Variants in SLC16A7 observed in about 807,000 individuals in gnomAD.
The protein encoded by SLC16A7 is monocarboxylate transporter 2.
SLC16A7 carries 33 observed loss-of-function variants against 34.9 expected under a neutral mutation model. That is an observed-to-expected ratio of 0.94 (90% CI 0.72 to 1.26). The LOEUF (loss-of-function observed/expected upper bound fraction) is 1.26, where lower values mean the gene tolerates loss of function less well. Among genes scored for constraint, SLC16A7 ranks in the 50% most tolerant of loss-of-function variants. SLC16A7 has a pLI of 0.00. For missense variants in SLC16A7, 573 were observed against 578.1 expected (o/e 0.99, Z 0.09); for synonymous variants, 201 against 206.6 (o/e 0.97, Z 0.23).
intron 2 of SLC16A7, among the ~76,000 whole-genome samples, chr12:59,676,621 T>G (rs1342982147): frequency 6.6e-6 from 1 of 152,096 alleles, no homozygotes; most frequent in Non-Finnish European, 1.5e-5. Flanking sequence ...TCGCTTTTCT[T>G]TACTCCTCAA....
chr12:59,692,175 C>T (rs1024143742), intron 2 of SLC16A7, among the ~76,000 whole-genome samples: 3 of 151,946 alleles, frequency 2.0e-5, no homozygotes, highest in Non-Finnish European at 2.9e-5. Flanking sequence ...CCTCACATCA[C>T]ATCTCTCTCT....
At chr12:59,653,964 T>C (rs1868405822) in intron 1 of SLC16A7, among the ~76,000 whole-genome samples, 1 of 151,764 alleles carries the variant, frequency 6.6e-6, no homozygotes, top group East Asian at 1.9e-4. Context: ...ATTATATTGG[T>C]TTAATAATAA....
intron 3 of SLC16A7, among the ~76,000 whole-genome samples, chr12:59,765,450 G>C (rs1397747788): frequency 1.3e-5 from 2 of 152,094 alleles, no homozygotes; most frequent in African/African-American, 4.8e-5. Flanking sequence ...TTCTTCTAGG[G>C]TTTTTATGGT....
At chr12:59,597,816 G>C (rs1428551555) in intron 1 of SLC16A7, among the ~76,000 whole-genome samples, 1 of 152,134 alleles carries the variant, frequency 6.6e-6, no homozygotes, top group Non-Finnish European at 1.5e-5. Context: ...TACAAACTCA[G>C]AAACTATTTT....
At chr12:59,775,988 T>C (rs1882721409) in intron 5 of SLC16A7, among the ~76,000 whole-genome samples, 1 of 152,204 alleles carries the variant, frequency 6.6e-6, no homozygotes, top group African/African-American at 2.4e-5. Context: ...CTATTCCATA[T>C]AGAGAAAGAC....
At chr12:59,779,326 A>C in intron 5 of SLC16A7, 97 bp from the exon 6 acceptor site, 1 of 920,824 alleles carries the variant, frequency 1.1e-6, no homozygotes, top group South Asian at 2.0e-5. Context: ...ATTAATTTAA[A>C]TAAGAGGAAT....
chr12:59,671,945 G>GTGTATATA (rs568138452), intron 2 of SLC16A7, among the ~76,000 whole-genome samples: 4,393 of 9,776 alleles, frequency 0.45, 2,144 homozygotes, highest in Middle Eastern at 0.6. Flanking sequence ...ATGTATATAT[G>GTGTATATA]TGTATATATG....
At chr12:59,647,348 G>T (rs192282510) in intron 1 of SLC16A7, among the ~76,000 whole-genome samples, 35 of 152,160 alleles carry the variant, frequency 2.3e-4, no homozygotes, top group African/African-American at 8.4e-4. Context: ...GAGATCTGAT[G>T]GTTTTATAAG....
Position 59,771,326 on chromosome 12 carries a change from G to A in SLC16A7, c.325G>A (p.Val109Met), listed in dbSNP as rs768677776. Residue 109 changes from valine to methionine, a missense_variant, in exon 4 of 6, where the codon GTG becomes ATG. Coordinates refer to ENST00000547379, the MANE Select transcript of SLC16A7 (RefSeq NM_001270623.2). Reference protein sequence around the residue: ...GMVLASFSSSVVQLYLTMGFI... With the variant: ...GMVLASFSSSMVQLYLTMGFI... ...GGTGTTGGCCTCCTTTAGTAGCAGCGTGGTACAGCTGTACCTCACTATGGG... is the reference window on the plus strand; with the variant it reads ...GGTGTTGGCCTCCTTTAGTAGCAGCATGGTACAGCTGTACCTCACTATGGG... 1.2e-5 allele frequency: 19 copies of A among 1,612,308 alleles called. No homozygotes were observed. The highest frequency in any genetic ancestry group is 8.8e-5 in the South Asian group (8 of 90,964).
chr12:59,626,158 A>AT (rs1023720136), intron 1 of SLC16A7, among the ~76,000 whole-genome samples: 1 of 151,770 alleles, frequency 6.6e-6, no homozygotes, highest in Non-Finnish European at 1.5e-5. Context: ...AATAATCTTA[A>AT]TTTTTTTATG....
intron 3 of SLC16A7, among the ~76,000 whole-genome samples, chr12:59,749,636 T>C (rs1385327824): frequency 6.6e-6 from 1 of 152,096 alleles, no homozygotes; most frequent in East Asian, 1.9e-4. Flanking sequence ...TTTGGAAGAA[T>C]TACACCCTTG....
At chr12:59,608,725 A>G (rs951230567) in intron 1 of SLC16A7, among the ~76,000 whole-genome samples, 5 of 152,236 alleles carry the variant, frequency 3.3e-5, no homozygotes, top group Non-Finnish European at 7.3e-5. Context: ...AAATACTTGT[A>G]TGAGGAAATG....
intron 3 of SLC16A7, among the ~76,000 whole-genome samples, chr12:59,735,272 G>A (rs1877458595): frequency 6.6e-6 from 1 of 152,110 alleles, no homozygotes; most frequent in Non-Finnish European, 1.5e-5. Flanking sequence ...AGCTTAACAT[G>A]CTATATCTTT....
intron 1 of SLC16A7, among the ~76,000 whole-genome samples, chr12:59,649,842 G>A (rs1273633550): frequency 6.6e-6 from 1 of 152,020 alleles, no homozygotes; most frequent in African/African-American, 2.4e-5. Flanking sequence ...CCAGCAACTT[G>A]GGAAGCTGAG....
At chr12:59,733,761 G>A (rs867249348) in intron 3 of SLC16A7, 1 of 456,032 alleles carries the variant, frequency 2.2e-6, no homozygotes. Flanking sequence ...TGAAGCACAT[G>A]GACAACCGGA....
At chr12:59,723,603 G>T (rs1208190433) in intron 3 of SLC16A7, among the ~76,000 whole-genome samples, 1 of 151,874 alleles carries the variant, frequency 6.6e-6, no homozygotes, top group African/African-American at 2.4e-5. Flanking sequence ...GAAATGTTTA[G>T]AAAGAAACAG....
At chr12:59,713,707 G>A (rs1874531298) in intron 3 of SLC16A7, among the ~76,000 whole-genome samples, 1 of 152,162 alleles carries the variant, frequency 6.6e-6, no homozygotes, top group Admixed American at 6.5e-5. Flanking sequence ...CCTGGCAATG[G>A]CAGACACTAG....
intron 1 of SLC16A7, among the ~76,000 whole-genome samples, chr12:59,618,193 C>A (rs1879541337): frequency 6.6e-6 from 1 of 151,818 alleles, no homozygotes; most frequent in African/African-American, 2.4e-5. Flanking sequence ...TTATCAGTAC[C>A]ATTTATATGC....
chr12:59,700,891 G>A (rs1241319741), intron 2 of SLC16A7, among the ~76,000 whole-genome samples: 1 of 151,624 alleles, frequency 6.6e-6, no homozygotes, highest in Non-Finnish European at 1.5e-5. Flanking sequence ...ACTATGTACA[G>A]ATGACTAATC....
Sources: allele counts gnomAD v4.1 joint callset (sites outside exome capture counted in the v4.1 genomes callset), GRCh38; gene constraint gnomAD v4.1.1; transcripts MANE v1.5; gene names NCBI Gene and HGNC (gene_info 2026-07-23, HGNC 2026-07-21).